The following USB1 variants were observed in gnomAD, a reference collection of about 807,000 sequenced individuals.
The protein encoded by USB1 is U6 snRNA biogenesis phosphodiesterase 1, also known as U6 snRNA phosphodiesterase 1.
USB1 carries 21 observed loss-of-function variants against 29.9 expected under a neutral mutation model. That is an observed-to-expected ratio of 0.70 (90% CI 0.50 to 1.01). The LOEUF (loss-of-function observed/expected upper bound fraction) is 1.01. Among genes scored for constraint, USB1 ranks in the 50% least tolerant of loss-of-function variants. USB1 has a pLI of 0.00. For missense variants in USB1, 330 were observed against 347.1 expected (o/e 0.95, Z 0.39); for synonymous variants, 143 against 134.9 (o/e 1.06, Z -0.42).
intron 2 of USB1, among the ~76,000 whole-genome samples, chr16:58,009,208 G>A (rs894878144): frequency 1.3e-5 from 2 of 152,194 alleles, no homozygotes; most frequent in African/African-American, 4.8e-5. Flanking sequence ...TCCTTCTGTA[G>A]TCCTGTGATT....
Position 58,002,595 on chromosome 16 carries a change from G to A in USB1, c.215G>A (p.Arg72His), listed in dbSNP as rs372917091. ...AGCACAAAACACGGGGGACGGGTGCGCACCTTCCCCCACGAGCGAGGCAAC... is the reference window on the plus strand; with the variant it reads ...AGCACAAAACACGGGGGACGGGTGCACACCTTCCCCCACGAGCGAGGCAAC... Reference protein sequence around the residue: ...DDSTKHGGRVRTFPHERGNWA... With the variant: ...DDSTKHGGRVHTFPHERGNWA... Residue 72 changes from arginine (R) to histidine (H), a missense_variant, in exon 2 of 7, where the codon CGC (arginine) becomes CAC (histidine). Transcript: ENST00000219281. 19 of 1,614,024 alleles carry A rather than the reference G, an allele frequency of 1.2e-5. No individual in the cohort carries two copies. Among genetic ancestry groups the A allele is most frequent in the Middle Eastern group, 1.6e-4 (1 of 6,062 alleles).
Position 58,001,471 on chromosome 16 carries a change from T to A in USB1, c.-13T>A, listed in dbSNP as rs768425672. ...GCTGGTGGACCTGCTCTGGTGGTCT[T>A]GGATGAGGCCCCATGAGCGCGGCGC... On this transcript the variant is annotated 5_prime_UTR_variant, in exon 1 of 7. Coordinates refer to ENST00000219281, the MANE Select transcript of USB1 (RefSeq NM_024598.4). 2 of 1,591,504 alleles carry A rather than the reference T, an allele frequency of 1.3e-6. No individual in the cohort carries two copies. The highest frequency in any genetic ancestry group is 1.3e-5 in the African/African-American group (1 of 74,370).
chr16:58,017,542 C>A (rs898446744), intron 5 of USB1, 103 bp downstream of exon 5: 10 of 1,053,208 alleles, frequency 9.5e-6, no homozygotes, highest in Non-Finnish European at 1.4e-5. Flanking sequence ...CCCTTCAGAA[C>A]CTCCCGTGTC....
chr16:58,011,954 C>T lies in USB1; in HGVS notation c.449+1842C>T, dbSNP rs1207788570. On this transcript the variant is annotated intron_variant, in intron 3 of 6. Transcript: ENST00000219281. ...ACTAGAAGGAGCCTAAGAAGCCACC[C>T]GGCTGATGGTTTTCTGACCCTGCCT... The T allele has an allele frequency of 1.5e-5, 16 of 1,057,432 alleles. No individual in the cohort carries two copies. In the East Asian group the frequency reaches 2.9e-4, roughly 19 times the overall value. The allele number at this position is 1,057,432 out of a possible 1,614,324, so 65.5% of individuals were successfully genotyped here.
Position 58,020,470 on chromosome 16 carries a change from GTC to G in USB1, c.*231_*232del, listed in dbSNP as rs1464912903. 1.6e-5 allele frequency: 9 copies of G among 567,058 alleles called. No homozygotes were observed. In the Admixed American group the frequency reaches 1.8e-4, roughly 11 times the overall value. The allele number at this position is 567,058 out of a possible 1,614,324, so 35.1% of individuals were successfully genotyped here. ...CTCTTCTCCTCTCTTTCTCTCCTCT[GTC>G]TCTCTTCCTCTCCTCTCTTCCTCTC... On this transcript the variant is annotated 3_prime_UTR_variant, in exon 7 of 7. Transcript: ENST00000219281.
rs1963537396 is a variant in USB1, at chr16:58,013,131, T to A, written c.450-1142T>A. The stretch of plus-strand genomic sequence containing the variant: ...GCACCCCTGATTCTGTTGCTGTGAC[T>A]GAGGAAATGCTAAGCTCTGTTTGGC... On this transcript the variant is annotated intron_variant, in intron 3 of 6. Transcript: ENST00000219281. The surrounding 1 kb of genome is among the most constrained non-coding windows in gnomAD (Gnocchi z 4.3). 2.0e-6 allele frequency: 2 copies of A among 985,354 alleles called. No individual in the cohort carries two copies. Among genetic ancestry groups the A allele is most frequent in the African/African-American group, 1.7e-5 (1 of 57,208 alleles). 61.0% of individuals were successfully genotyped at this position (985,354 alleles called of 1,614,324 possible). A position where few individuals can be genotyped will look rare whatever the true frequency, so the allele number is the denominator to read the frequency against.
At chr16:58,002,738 C>G (rs1963258888) in intron 2 of USB1, 93 bp downstream of exon 2, 2 of 1,538,828 alleles carry the variant, frequency 1.3e-6, no homozygotes, top group East Asian at 2.3e-5. Flanking sequence ...AAGGAAGAAA[C>G]CAGAAACCTC....
At position 58,013,993 on chromosome 16, in the gene USB1, G is replaced by T. The variant is rs1055403879; in HGVS notation, c.450-280G>T. 12 of 412,474 alleles carry T rather than the reference G, an allele frequency of 2.9e-5. No individual in the cohort carries two copies. In the Admixed American group the frequency reaches 4.3e-4, roughly 15 times the overall value. 25.6% of individuals were successfully genotyped at this position (412,474 alleles called of 1,614,324 possible). ...TTTCTCAGTTCCCATCAGTGAAGTT[G>T]AGATAGTCTCAAATTGTTTATCGAA... On this transcript the variant is annotated intron_variant, in intron 3 of 6. Coordinates refer to ENST00000219281, the MANE Select transcript of USB1 (RefSeq NM_024598.4). The surrounding 1 kb of genome is among the most constrained non-coding windows in gnomAD (Gnocchi z 4.3).
At chr16:58,017,462 C>G (rs781682471) in intron 5 of USB1, 23 bp downstream of exon 5, 2 of 1,586,886 alleles carry the variant, frequency 1.3e-6, no homozygotes, top group Admixed American at 3.3e-5. Flanking sequence ...GCTGCTGCTT[C>G]TCCATTGACC....
intron 2 of USB1, 79 bp from the exon 3 acceptor site, chr16:58,009,850 T>C: frequency 1.9e-6 from 3 of 1,577,750 alleles, no homozygotes; most frequent in Non-Finnish European, 2.6e-6. Flanking sequence ...AGGACTTCCC[T>C]CTGCCTTCTG....
Position 58,020,420 on chromosome 16 carries a change from C to T in USB1, c.*175C>T. On this transcript the variant is annotated 3_prime_UTR_variant, in exon 7 of 7. Coordinates refer to ENST00000219281, the MANE Select transcript of USB1 (RefSeq NM_024598.4). Reference sequence around the variant, plus strand: ...CCCTGAGTGCTGATATTCTCTCTCTCTCTTTCTCTTCCTCTTCTTTCTCTC... The same window carrying T: ...CCCTGAGTGCTGATATTCTCTCTCTTTCTTTCTCTTCCTCTTCTTTCTCTC... 1.5e-6 allele frequency: 1 copy of T among 659,670 alleles called. No homozygotes were observed. The highest frequency in any genetic ancestry group is 1.7e-5 in the South Asian group (1 of 59,502). 40.9% of individuals were successfully genotyped at this position (659,670 alleles called of 1,614,324 possible).
intron 1 of USB1, 65 bp downstream of exon 1, chr16:58,001,646 A>T (rs1963197880): frequency 1.3e-6 from 2 of 1,508,376 alleles, no homozygotes; most frequent in Admixed American, 1.9e-5. Context: ...CGGGACCCGA[A>T]TGTCTGGGGG....
chr16:58,011,388 G>A (rs1963493043), intron 3 of USB1: 10 of 1,207,492 alleles, frequency 8.3e-6, no homozygotes, highest in Non-Finnish European at 1.0e-5. Context: ...GCCAGCCTGG[G>A]GCTTTTTTTT....
At chr16:58,017,249 C>T (rs1236356293) in intron 4 of USB1, 85 bp from the exon 5 acceptor site, 2 of 1,292,568 alleles carry the variant, frequency 1.5e-6, no homozygotes, top group African/African-American at 1.5e-5. Flanking sequence ...GCCTCTTGGC[C>T]TTCTGCCTGG....
intron 2 of USB1, among the ~76,000 whole-genome samples, chr16:58,007,151 TGA>T (rs1237750428): frequency 1.3e-5 from 2 of 152,248 alleles, no homozygotes; most frequent in African/African-American, 4.8e-5. Flanking sequence ...TCTCTGTCCA[TGA>T]GAGATATGGG....
intron 3 of USB1, chr16:58,011,022 C>T (rs898139465): frequency 2.8e-6 from 2 of 712,888 alleles, no homozygotes; most frequent in Middle Eastern, 2.6e-4. Context: ...GATCAGCCCC[C>T]ATCCAGGACC....
chr16:58,012,231 C>T, intron 3 of USB1: 3 of 1,525,718 alleles, frequency 2.0e-6, no homozygotes, highest in South Asian at 2.4e-5. Flanking sequence ...GGCTGAAACT[C>T]ATCTCTCAAC....
At chr16:58,005,238 G>A (rs1963323652) in intron 2 of USB1, among the ~76,000 whole-genome samples, 1 of 152,118 alleles carries the variant, frequency 6.6e-6, no homozygotes. Context: ...CTGCGGGCGG[G>A]CCTAACTGAT....
upstream of USB1, chr16:57,999,887 G>A (rs945186406): frequency 1.3e-5 from 2 of 152,628 alleles, no homozygotes; most frequent in African/African-American, 4.8e-5. Flanking sequence ...TGCTTTTTCT[G>A]GCATGAATGG....
Sources: gnomAD v4.1 joint callset for allele counts (sites outside exome capture counted in the v4.1 genomes callset) on GRCh38, gnomAD v4.1.1 for gene constraint, Gnocchi (gnomAD v3.1) non-coding constraint, MANE v1.5 for transcripts, NCBI Gene and HGNC (gene_info 2026-07-23, HGNC 2026-07-21) for gene names.